The following USP47 variants were observed in gnomAD, a reference collection of about 807,000 sequenced individuals.
USP47 encodes the protein ubiquitin carboxyl-terminal hydrolase 47.
A neutral mutation model predicts 165.1 loss-of-function variants in USP47; 35 were observed. That is an observed-to-expected ratio of 0.21 (90% CI 0.16 to 0.28). USP47 has a LOEUF of 0.28. USP47 is among the 10% of genes least tolerant of loss of function. The pLI is 1.00. For synonymous variants in USP47, 531 were observed against 544.5 expected (o/e 0.98, Z 0.35); for missense variants, 1,277 against 1,607.4 (o/e 0.79, Z 3.52).
intron 1 of USP47, among the ~76,000 whole-genome samples, chr11:11,853,889 G>A (rs1412719756): frequency 1.3e-5 from 2 of 152,052 alleles, no homozygotes; most frequent in Non-Finnish European, 2.9e-5. Flanking sequence ...CACTTTGGGA[G>A]GCCGAGATGG....
intron 4 of USP47, among the ~76,000 whole-genome samples, chr11:11,897,061 T>G (rs1380069852): frequency 6.6e-6 from 1 of 150,388 alleles, no homozygotes; most frequent in Non-Finnish European, 1.5e-5. Context: ...AGTCTCAGCT[T>G]TTGTGAGTTT....
intron 2 of USP47, among the ~76,000 whole-genome samples, chr11:11,884,245 T>C (rs769544010): frequency 2.0e-4 from 30 of 152,140 alleles, no homozygotes; most frequent in Non-Finnish European, 3.4e-4. Context: ...GTTTGTTAGA[T>C]GTTGGGGAAT....
intron 3 of USP47, among the ~76,000 whole-genome samples, chr11:11,888,984 A>G (rs537350898): frequency 1.3e-5 from 2 of 152,102 alleles, no homozygotes; most frequent in Non-Finnish European, 2.9e-5. Context: ...AGAAAAGGCC[A>G]TCAGTAAAAT....
At chr11:11,947,760 A>T (rs1394752981) in intron 20 of USP47, among the ~76,000 whole-genome samples, 185 bp from the exon 21 acceptor site, 1 of 152,208 alleles carries the variant, frequency 6.6e-6, no homozygotes, top group African/African-American at 2.4e-5. Flanking sequence ...TGTCAGATAA[A>T]ACCTATCAGA....
At chr11:11,849,506 A>C (rs1848610896) in intron 1 of USP47, among the ~76,000 whole-genome samples, 1 of 152,206 alleles carries the variant, frequency 6.6e-6, no homozygotes, top group South Asian at 2.1e-4. Flanking sequence ...CCACAATGTC[A>C]GTAGAGCTGT....
chr11:11,885,199 G>A (rs1190091923), intron 3 of USP47, among the ~76,000 whole-genome samples: 4 of 151,548 alleles, frequency 2.6e-5, no homozygotes, highest in Non-Finnish European at 5.9e-5. Flanking sequence ...CTCTCAGTGC[G>A]TTGTAGAGGA....
At chr11:11,879,679 A>G (rs1026112214) in intron 1 of USP47, among the ~76,000 whole-genome samples, 9 of 152,132 alleles carry the variant, frequency 5.9e-5, no homozygotes, top group Non-Finnish European at 8.8e-5. Flanking sequence ...CATAAAGATC[A>G]GGAGATGTGG....
intron 18 of USP47, among the ~76,000 whole-genome samples, chr11:11,939,634 A>G (rs1486839213): frequency 6.6e-6 from 1 of 151,966 alleles, no homozygotes; most frequent in Non-Finnish European, 1.5e-5. Flanking sequence ...TAAAATATGA[A>G]TGACAAATGT....
At chr11:11,844,867 A>C (rs1848339627) in intron 1 of USP47, among the ~76,000 whole-genome samples, 1 of 152,104 alleles carries the variant, frequency 6.6e-6, no homozygotes, top group South Asian at 2.1e-4. Context: ...CTGAAACTCA[A>C]GGACAAATGT....
chr11:11,933,975 A>C, intron 16 of USP47, 40 bp downstream of exon 16: 2 of 1,396,192 alleles, frequency 1.4e-6, no homozygotes, highest in South Asian at 2.3e-5. Flanking sequence ...TTACTAATAC[A>C]ACAGTATTAA....
chr11:11,888,555 A>G (rs1304508814), intron 3 of USP47, among the ~76,000 whole-genome samples: 1 of 152,226 alleles, frequency 6.6e-6, no homozygotes, highest in Non-Finnish European at 1.5e-5. Context: ...TTGAGGCAGT[A>G]ATATATAGCC....
At chr11:11,919,039 C>T (rs866986019) in intron 8 of USP47, among the ~76,000 whole-genome samples, 2 of 74,152 alleles carry the variant, frequency 2.7e-5, no homozygotes, top group African/African-American at 7.9e-5. Flanking sequence ...AAAACCCAGC[C>T]GTTTGGTTTC....
At chr11:11,902,071 C>A (rs1852266809) in intron 5 of USP47, among the ~76,000 whole-genome samples, 1 of 152,068 alleles carries the variant, frequency 6.6e-6, no homozygotes, top group South Asian at 2.1e-4. Context: ...TCTATACCCT[C>A]CAACTTGATT....
At chr11:11,865,919 G>T (rs1018682962) in intron 1 of USP47, among the ~76,000 whole-genome samples, 6 of 151,878 alleles carry the variant, frequency 4.0e-5, no homozygotes, top group African/African-American at 1.5e-4. Context: ...TATATTTGGG[G>T]TATTAATCTC....
In USP47 at chr11:11,948,571, T is replaced by C. The variant is rs781500124; in HGVS notation, c.3348+13T>C. The C allele has an allele frequency of 2.5e-6, 4 of 1,570,896 alleles. No individual in the cohort carries two copies. The South Asian group carries it at 4.4e-5, about 17-fold the overall frequency. ...CAATGAACAAGAGGTAAGTAATACG[T>C]TTAAGAATAATATAAGGTTACTTTT... On this transcript the variant is annotated intron_variant, in intron 22 of 27. Transcript: ENST00000527733.
At chr11:11,929,999 T>C in intron 12 of USP47, 45 bp from the exon 13 acceptor site, 1 of 1,427,954 alleles carries the variant, frequency 7.0e-7, no homozygotes, top group Non-Finnish European at 9.9e-7. Flanking sequence ...GTTAATGTGA[T>C]AGTGTTATAG....
chr11:11,905,571 C>T, intron 8 of USP47, 23 bp downstream of exon 8: 3 of 1,580,708 alleles, frequency 1.9e-6, no homozygotes, highest in South Asian at 1.2e-5. Flanking sequence ...CACCTGACTG[C>T]TTGTGTATCC....
chr11:11,943,765 C>T (rs1855641750), intron 20 of USP47: 1 of 152,038 alleles, frequency 6.6e-6, no homozygotes, highest in Non-Finnish European at 1.5e-5. Context: ...AAACCTTAGA[C>T]TGAGGCCAGC....
At chr11:11,944,972 C>T (rs1451259237) in intron 20 of USP47, among the ~76,000 whole-genome samples, 2 of 152,102 alleles carry the variant, frequency 1.3e-5, no homozygotes, top group Non-Finnish European at 2.9e-5. Flanking sequence ...CATCTTAGAA[C>T]AGTTAATAAA....
Sources: gnomAD v4.1 joint callset for allele counts (sites outside exome capture counted in the v4.1 genomes callset) on GRCh38, gnomAD v4.1.1 for gene constraint, MANE v1.5 for transcripts, NCBI Gene and HGNC (gene_info 2026-07-23, HGNC 2026-07-21) for gene names.